ROBO4: variants seen among roughly 807,000 people sequenced by gnomAD.
ROBO4 encodes roundabout homolog 4.
ROBO4 carries 80 observed loss-of-function variants against 103.3 expected under a neutral mutation model. The ratio of observed to expected loss-of-function variants is 0.77; its 90% CI spans 0.65 to 0.93. The LOEUF (loss-of-function observed/expected upper bound fraction) is 0.93, where lower values mean the gene tolerates loss of function less well. Ranked by LOEUF, ROBO4 falls within the 40% of genes least tolerant of loss-of-function variation. ROBO4 has a pLI of 0.00. For synonymous variants in ROBO4, 504 were observed against 529.7 expected (o/e 0.95, Z 0.67); for missense variants, 1,333 against 1,305.3 (o/e 1.02, Z -0.33).
Position 124,886,715 on chromosome 11 carries a change from C to T in ROBO4, c.2543G>A (p.Gly848Glu). Reference protein sequence around the residue: ...EFTDMGRTGGGVGPKGGVLLC... With the variant: ...EFTDMGRTGGEVGPKGGVLLC... ...CAAGACTCCCCCCTTGGGCCCCACC[C>T]CTCCTCCAGTCCTGCCCATGTCCGT... Residue 848 changes from glycine (G) to glutamate (E), a missense_variant, in exon 16 of 18, where the codon GGG (glycine) becomes GAG (glutamate). Physicochemically the swap from Gly to Glu is moderately conservative, Grantham distance 98. Transcript: ENST00000306534. 1 of 1,606,130 alleles carries T rather than the reference C, an allele frequency of 6.2e-7. No individual in the cohort carries two copies. The highest frequency in any genetic ancestry group is 8.5e-7 in the Non-Finnish European group (1 of 1,174,472).
intron 15 of ROBO4, 47 bp from the exon 16 acceptor site, chr11:124,886,869 G>A: frequency 1.3e-6 from 2 of 1,530,564 alleles, no homozygotes; most frequent in South Asian, 1.3e-5. Context: ...GGTGGAATGA[G>A]GGTTGTAGTA....
chr11:124,886,712 ACC>A lies in ROBO4; in HGVS notation c.2544_2545del (p.Val849GlyfsTer33), dbSNP rs771815357. The A allele has an allele frequency of 6.2e-6, 10 of 1,605,608 alleles. No individual in the cohort carries two copies. Among genetic ancestry groups the A allele is most frequent in the Non-Finnish European group, 8.5e-6 (10 of 1,174,156 alleles). ...CAGCAAGACTCCCCCCTTGGGCCCC[ACC>A]CCTCCTCCAGTCCTGCCCATGTCCG... On this transcript the variant is annotated frameshift_variant, in exon 16 of 18. Transcript: ENST00000306534. LOFTEE classifies it high-confidence loss of function.
rs1386877594 is a variant in ROBO4 at position 124,897,181 on chromosome 11, T to G, written c.151A>C (p.Met51Leu). ...GGCTGGCCTGAGGCTTGGCAGCTCA[T>G]CCTGGCAGGGCCAGGGCCCTGGAAC... ...QLFQGPGPARMSCQASGQPPP... is the reference protein window; with the variant it reads ...QLFQGPGPARLSCQASGQPPP... Residue 51 changes from methionine to leucine, a missense_variant, in exon 2 of 18, where the codon ATG (methionine) becomes CTG (leucine). Met to Leu is a conservative substitution (Grantham distance 15). Transcript: ENST00000306534. 3.9e-6 allele frequency: 6 copies of G among 1,532,844 alleles called. No individual in the cohort carries two copies. Among genetic ancestry groups the G allele is most frequent in the Non-Finnish European group, 5.3e-6 (6 of 1,139,032 alleles). 95.0% of individuals were successfully genotyped at this position (1,532,844 alleles called of 1,614,324 possible).
At chr11:124,887,262 A>T (rs1414420005) in intron 14 of ROBO4, 49 bp from the exon 15 acceptor site, 1 of 1,594,114 alleles carries the variant, frequency 6.3e-7, no homozygotes, top group Admixed American at 1.7e-5. Flanking sequence ...CAGCTCTTCA[A>T]GTCCTTTCCC....
In ROBO4 at chr11:124,894,234, C is replaced by A; in HGVS notation, c.1285G>T (p.Gly429Trp). 2 of 1,613,660 alleles carry A rather than the reference C, an allele frequency of 1.2e-6. No individual in the cohort carries two copies. The highest frequency in any genetic ancestry group is 1.7e-6 in the Non-Finnish European group (2 of 1,179,894). Residue 429 changes from glycine (G) to tryptophan (W), a missense_variant, in exon 8 of 18, where the codon GGG (glycine) becomes TGG (tryptophan). Transcript: ENST00000306534. ...AGGCAGACAGGTCTACTGGGCTCCC[C>A]AGCTCCAGCACCAGTGACTGCAGCC... ...QVAAVTGAGA[G>W]EPSRPVCLLL...
chr11:124,891,594 G>T (rs759196170), intron 11 of ROBO4, 32 bp from the exon 12 acceptor site: 1 of 1,614,220 alleles, frequency 6.2e-7, no homozygotes, highest in Non-Finnish European at 8.5e-7. Flanking sequence ...GAATTATGGT[G>T]AGCATGTCCT....
In ROBO4 at chr11:124,887,724, C is replaced by G. The variant is rs532729044; in HGVS notation, c.2056+9G>C. ...CCCCTTCACTTCCCTTTCAGGGACC[C>G]CCTCTCACCTGGGCTTTGGGAAAGG... On this transcript the variant is annotated intron_variant, in intron 13 of 17. Transcript: ENST00000306534. 53 of 1,612,192 alleles carry G rather than the reference C, an allele frequency of 3.3e-5. No homozygotes were observed. Among genetic ancestry groups the G allele is most frequent in the Non-Finnish European group, 4.3e-5 (51 of 1,178,544 alleles).
intron 7 of ROBO4, 106 bp downstream of exon 7, chr11:124,894,975 C>T (rs368362404): frequency 1.2e-6 from 1 of 868,374 alleles, no homozygotes. Context: ...CTTTGCTTCT[C>T]TGCCCAGGTA....
intron 12 of ROBO4, among the ~76,000 whole-genome samples, chr11:124,888,674 G>T (rs1208540623): frequency 1.3e-5 from 2 of 152,246 alleles, no homozygotes; most frequent in Non-Finnish European, 2.9e-5. Flanking sequence ...GCCCACATGG[G>T]CAGTGGAGAG....
chr11:124,885,175 C>T lies in ROBO4; in HGVS notation c.2867G>A (p.Trp956Ter). The T allele has an allele frequency of 6.2e-7, 1 of 1,613,994 alleles. No homozygotes were observed. ...CATGTCTTCCAACCAGTCTGGCCTCCACTCCCACAGGGGCAGGGAGAGGTT... is the reference window on the plus strand; with the variant it reads ...CATGTCTTCCAACCAGTCTGGCCTCTACTCCCACAGGGGCAGGGAGAGGTT... ...TPNLSLPLWE[W>*]RPDWLEDMEV... Residue 956 changes from tryptophan to a stop codon, truncating the protein, a stop_gained, in exon 17 of 18, where the codon TGG becomes TAG. Coordinates refer to ENST00000306534, the MANE Select transcript of ROBO4 (RefSeq NM_019055.6). LOFTEE classifies it high-confidence loss of function.
In ROBO4 at chr11:124,895,485, G is replaced by C; in HGVS notation, c.1008C>G (p.Asn336Lys). ...TTTCCGGCAGCCTCAGGAGCAGCAC[G>C]TTGCTGTCAGGGCCTCGAGCCCGGC... Reference protein sequence around the residue: ...SSGRARGPDSNVLLLRLPEKV... With the variant: ...SSGRARGPDSKVLLLRLPEKV... The change falls in exon 6 of 18, where the codon AAC becomes AAG. Residue 336 changes from asparagine to lysine, a missense_variant. Transcript: ENST00000306534. 1.2e-6 allele frequency: 2 copies of C among 1,610,734 alleles called. No individual in the cohort carries two copies. Among genetic ancestry groups the C allele is most frequent in the Non-Finnish European group, 1.7e-6 (2 of 1,179,988 alleles).
At chr11:124,888,624 C>G (rs1946753768) in intron 12 of ROBO4, among the ~76,000 whole-genome samples, 1 of 152,208 alleles carries the variant, frequency 6.6e-6, no homozygotes, top group Non-Finnish European at 1.5e-5. Context: ...TATAAACACA[C>G]AGTGAGAAGA....
At chr11:124,888,203 T>C (rs1413663002) in intron 12 of ROBO4, among the ~76,000 whole-genome samples, 2 of 152,260 alleles carry the variant, frequency 1.3e-5, no homozygotes, top group Non-Finnish European at 2.9e-5. Flanking sequence ...AAAAAACAAC[T>C]TTCTTTTCCT....
chr11:124,885,679 C>T (rs953120415), intron 16 of ROBO4, among the ~76,000 whole-genome samples: 1 of 151,926 alleles, frequency 6.6e-6, no homozygotes, highest in Non-Finnish European at 1.5e-5. Flanking sequence ...CCCAAGGAGC[C>T]AAGACCCTGT....
rs1218470761 is a variant in ROBO4, at chr11:124,896,128, C to G, written c.679+70G>C. ...GACCCCACATACCTTAACCCCAGCC[C>G]AAACCAGAATACACCACCCCAACTG... On this transcript the variant is annotated intron_variant, in intron 4 of 17. Coordinates refer to ENST00000306534, the MANE Select transcript of ROBO4 (RefSeq NM_019055.6). 4 of 1,587,642 alleles carry G rather than the reference C, an allele frequency of 2.5e-6. No individual in the cohort carries two copies. In the East Asian group the frequency reaches 6.7e-5, roughly 27 times the overall value.
chr11:124,884,219 C>G lies in ROBO4; in HGVS notation c.*672G>C, dbSNP rs1407370781. On this transcript the variant is annotated 3_prime_UTR_variant, in exon 18 of 18. Transcript: ENST00000306534. Reference sequence around the variant, plus strand: ...CTCCGGGGAATGATCTCACAGAACTCAAGTCTTTACCATTTTATGGTATCA... The same window carrying G: ...CTCCGGGGAATGATCTCACAGAACTGAAGTCTTTACCATTTTATGGTATCA... 1.3e-5 allele frequency: 2 copies of G among 152,250 alleles called. No individual in the cohort carries two copies. The highest frequency in any genetic ancestry group is 1.3e-4 in the Admixed American group (2 of 15,290). 9.4% of individuals were successfully genotyped at this position (152,250 alleles called of 1,614,324 possible). A position where few individuals can be genotyped will look rare whatever the true frequency, so the allele number is the denominator to read the frequency against.
In ROBO4 at chr11:124,894,025, T is replaced by C. The variant is rs1205181569; in HGVS notation, c.1339A>G (p.Thr447Ala). Reference sequence around the variant, plus strand: ...GGACCATGCTCACTGGGTTCTTGGGTGGCTCGCTCCATGGCCTGCTCTGTA... The same window carrying C: ...GGACCATGCTCACTGGGTTCTTGGGCGGCTCGCTCCATGGCCTGCTCTGTA... ...LLLEQAMERA[T>A]QEPSEHGPWT... Residue 447 changes from threonine to alanine, a missense_variant, in exon 9 of 18, where the codon ACC (threonine) becomes GCC (alanine). Transcript: ENST00000306534. 3.2e-6 allele frequency: 5 copies of C among 1,553,120 alleles called. No individual in the cohort carries two copies. Among genetic ancestry groups the C allele is most frequent in the Non-Finnish European group, 4.3e-6 (5 of 1,150,056 alleles).
At chr11:124,895,055 A>G (rs1208863388) in intron 7 of ROBO4, 26 bp downstream of exon 7, 1 of 1,498,750 alleles carries the variant, frequency 6.7e-7, no homozygotes, top group East Asian at 2.3e-5. Flanking sequence ...AGCAGTAGGA[A>G]GGGCTATGAC....
At chr11:124,892,789 G>C (rs142610462) in intron 10 of ROBO4, 1 of 152,530 alleles carries the variant, frequency 6.6e-6, no homozygotes, top group African/African-American at 2.4e-5. Flanking sequence ...TCTCCCTCAA[G>C]GACAGAGCAG....
Sources: allele counts gnomAD v4.1 joint callset (sites outside exome capture counted in the v4.1 genomes callset), GRCh38; gene constraint gnomAD v4.1.1; transcripts MANE v1.5; gene names NCBI Gene and HGNC (gene_info 2026-07-23, HGNC 2026-07-21).